METAP1: variants seen among roughly 807,000 people sequenced by gnomAD.
The protein encoded by METAP1 is methionine aminopeptidase 1.
A neutral mutation model predicts 53.8 loss-of-function variants in METAP1; 28 were observed. The ratio of observed to expected loss-of-function variants is 0.52; its 90% CI spans 0.39 to 0.71. The LOEUF (loss-of-function observed/expected upper bound fraction) is 0.71. Among genes scored for constraint, METAP1 ranks in the 30% least tolerant of loss-of-function variants. The probability of loss-of-function intolerance (pLI) is 0.00; values close to 1 mark genes in which losing one functional copy is unlikely to be tolerated. For synonymous variants in METAP1, 181 were observed against 165.7 expected (o/e 1.09, Z -0.71); for missense variants, 389 against 479.8 (o/e 0.81, Z 1.77).
intron 1 of METAP1, among the ~76,000 whole-genome samples, chr4:99,018,903 G>A (rs1723929894): frequency 6.6e-6 from 1 of 152,078 alleles, no homozygotes; most frequent in Non-Finnish European, 1.5e-5. Context: ...TTGTATCAGG[G>A]GAATCCGTAA....
At chr4:99,002,790 T>C (rs1259710040) in intron 1 of METAP1, among the ~76,000 whole-genome samples, 3 of 152,178 alleles carry the variant, frequency 2.0e-5, no homozygotes, top group African/African-American at 7.2e-5. Flanking sequence ...AAAACCCTGT[T>C]AAGGCCAGGC....
At chr4:99,050,083 G>A (rs1726584639) in intron 9 of METAP1, among the ~76,000 whole-genome samples, 1 of 152,160 alleles carries the variant, frequency 6.6e-6, no homozygotes, top group Non-Finnish European at 1.5e-5. Flanking sequence ...ATGCTGACGA[G>A]TAAGGATTGA....
chr4:99,045,480 T>G (rs1391815827), intron 8 of METAP1, among the ~76,000 whole-genome samples, 170 bp downstream of exon 8: 1 of 152,186 alleles, frequency 6.6e-6, no homozygotes, highest in Non-Finnish European at 1.5e-5. Flanking sequence ...GGGAATCTCT[T>G]GGTGGTGATA....
intron 9 of METAP1, among the ~76,000 whole-genome samples, chr4:99,053,142 A>G (rs1042731500): frequency 1.3e-5 from 2 of 152,196 alleles, no homozygotes; most frequent in Non-Finnish European, 2.9e-5. Context: ...TAGTCATCCA[A>G]AAGGGTTGAA....
intron 1 of METAP1, chr4:99,022,698 T>G: frequency 3.2e-4 from 462 of 1,439,330 alleles, no homozygotes; most frequent in Non-Finnish European, 4.1e-4. Flanking sequence ...TGCAAGTACT[T>G]GAGATTCCAT....
chr4:99,041,030 T>A lies in METAP1; in HGVS notation c.433-13T>A. The A allele has an allele frequency of 6.3e-7, 1 of 1,598,196 alleles. No homozygotes were observed. The highest frequency in any genetic ancestry group is 8.6e-7 in the Non-Finnish European group (1 of 1,168,750). The stretch of plus-strand genomic sequence containing the variant: ...GTGTCTTTTTTAATGTATTGAGTGT[T>A]CCTTTTTTACAGCTTGCTAGAGAAG... On this transcript the variant is annotated splice_polypyrimidine_tract_variant and intron_variant, in intron 5 of 10. Transcript: ENST00000296411.
At chr4:99,020,534 C>G (rs1349222155) in intron 1 of METAP1, among the ~76,000 whole-genome samples, 1 of 152,116 alleles carries the variant, frequency 6.6e-6, no homozygotes, top group Non-Finnish European at 1.5e-5. Flanking sequence ...GTGGGACTAA[C>G]TGCTGCCTGA....
intron 4 of METAP1, among the ~76,000 whole-genome samples, chr4:99,038,947 CACTTA>C (rs1048212045): frequency 6.6e-6 from 1 of 152,086 alleles, no homozygotes; most frequent in African/African-American, 2.4e-5. Flanking sequence ...GATTGAAAAA[CACTTA>C]ACTTTGGTTC....
At chr4:99,030,958 A>C (rs1046931980) in intron 2 of METAP1, among the ~76,000 whole-genome samples, 1 of 152,040 alleles carries the variant, frequency 6.6e-6, no homozygotes, top group Non-Finnish European at 1.5e-5. Context: ...ATTATGTAGA[A>C]TTGATATTAT....
chr4:99,019,147 C>T (rs1723942588), intron 1 of METAP1, among the ~76,000 whole-genome samples: 1 of 152,168 alleles, frequency 6.6e-6, no homozygotes, highest in Non-Finnish European at 1.5e-5. Context: ...GGATTTTGGC[C>T]TTAAACCTCT....
chr4:98,996,348 G>A (rs1340379469), intron 1 of METAP1, among the ~76,000 whole-genome samples: 1 of 152,214 alleles, frequency 6.6e-6, no homozygotes, highest in African/African-American at 2.4e-5. Flanking sequence ...GGGGTGGGGG[G>A]CTGAAGCTAC....
intron 1 of METAP1, among the ~76,000 whole-genome samples, chr4:99,007,451 A>G (rs1014866093): frequency 1.3e-5 from 2 of 152,160 alleles, no homozygotes; most frequent in East Asian, 3.8e-4. Context: ...CATTTTCTCA[A>G]CAATCTTTCT....
intron 1 of METAP1, among the ~76,000 whole-genome samples, chr4:99,011,389 TG>T (rs1274957019): frequency 6.6e-6 from 1 of 152,234 alleles, no homozygotes; most frequent in African/African-American, 2.4e-5. Context: ...TCTTGTCAGA[TG>T]GTTTTTCTGA....
At chr4:99,009,437 G>T (rs1337299797) in intron 1 of METAP1, among the ~76,000 whole-genome samples, 2 of 152,184 alleles carry the variant, frequency 1.3e-5, no homozygotes, top group African/African-American at 4.8e-5. Flanking sequence ...TTGAGGAGCA[G>T]TCATTCTGTT....
chr4:99,007,916 A>T (rs921721751), intron 1 of METAP1, among the ~76,000 whole-genome samples: 1 of 152,206 alleles, frequency 6.6e-6, no homozygotes, highest in South Asian at 2.1e-4. Context: ...GGTTTCTGGC[A>T]GGAATGTTTT....
chr4:99,035,329 A>G, intron 3 of METAP1, 71 bp from the exon 4 acceptor site: 2 of 1,094,466 alleles, frequency 1.8e-6, no homozygotes, highest in Non-Finnish European at 2.7e-6. Flanking sequence ...AAACTTTTGA[A>G]TGGACTTCTT....
At chr4:99,033,954 A>T (rs1301001025) in intron 2 of METAP1, among the ~76,000 whole-genome samples, 1 of 152,190 alleles carries the variant, frequency 6.6e-6, no homozygotes, top group African/African-American at 2.4e-5. Context: ...GTTCGATATT[A>T]TGTAAAAACT....
Position 99,023,091 on chromosome 4 carries a change from C to T in METAP1, c.115-5776C>T. On this transcript the variant is annotated intron_variant, in intron 1 of 10. Transcript: ENST00000296411. ...GTGTCTGGTCTGTCCCTTCCAGCGC[C>T]TTTGCTCTGTTGCGGCCTTCTCCGA... 2.4e-6 allele frequency: 3 copies of T among 1,226,632 alleles called. No homozygotes were observed. The South Asian group carries it at 4.0e-5, about 16-fold the overall frequency. The allele number at this position is 1,226,632 out of a possible 1,614,324, so 76.0% of individuals were successfully genotyped here.
At chr4:99,022,656 GGT>G in intron 1 of METAP1, 1 of 1,116,706 alleles carries the variant, frequency 9.0e-7, no homozygotes. Context: ...TCAAAGGCAA[GGT>G]GCTCGCTGTG....
Sources: gnomAD v4.1 joint callset for allele counts (sites outside exome capture counted in the v4.1 genomes callset) on GRCh38, gnomAD v4.1.1 for gene constraint, MANE v1.5 for transcripts, NCBI Gene and HGNC (gene_info 2026-07-23, HGNC 2026-07-21) for gene names.